The following ATPSCKMT variants were observed in gnomAD, a reference collection of about 807,000 sequenced individuals.
ATPSCKMT encodes the protein ATP synthase subunit C lysine N-methyltransferase.
Under a neutral mutation model 24.3 loss-of-function variants are expected in ATPSCKMT, and 24 were observed. That is an observed-to-expected ratio of 0.99 (90% CI 0.71 to 1.39). The LOEUF is 1.39. Ranked by LOEUF, ATPSCKMT falls within the 40% of genes most tolerant of loss-of-function variation. The probability of loss-of-function intolerance (pLI) is 0.00; values close to 1 mark genes in which losing one functional copy is unlikely to be tolerated. For missense variants in ATPSCKMT, 311 were observed against 298.4 expected (o/e 1.04, Z -0.31); for synonymous variants, 95 against 110.5 (o/e 0.86, Z 0.88).
intron 4 of ATPSCKMT, among the ~76,000 whole-genome samples, chr5:10,232,657 GAA>G (rs1169959141): frequency 6.6e-6 from 1 of 152,236 alleles, no homozygotes; most frequent in Non-Finnish European, 1.5e-5. Context: ...CAGAAGGAAG[GAA>G]ACACCCCAGG....
chr5:10,243,078 T>C (rs147403682), intron 1 of ATPSCKMT, among the ~76,000 whole-genome samples: 1 of 152,340 alleles, frequency 6.6e-6, no homozygotes, highest in African/African-American at 2.4e-5. Context: ...TGGCTTCAAC[T>C]TAAAGTCACC....
In ATPSCKMT at chr5:10,225,665, G is replaced by GA. The variant is rs1371279856; in HGVS notation, c.*1775dup. ...ACTCACTATCATGAGAACAGCACAG[G>GA]AAAGACCTGCCCCCATAATTCAATC... On this transcript the variant is annotated 3_prime_UTR_variant, in exon 5 of 5. Coordinates refer to ENST00000511437, the MANE Select transcript of ATPSCKMT (RefSeq NM_199133.4). 1.3e-5 allele frequency among the ~76,000 whole-genome samples: 2 copies of GA among 152,030 alleles called. No individual in the cohort carries two copies. The highest frequency in any genetic ancestry group is 4.8e-5 in the African/African-American group (2 of 41,382).
intron 2 of ATPSCKMT, chr5:10,236,990 T>C (rs989301203): frequency 7.6e-7 from 1 of 1,310,054 alleles, no homozygotes; most frequent in Admixed American, 2.3e-5. Context: ...GAAATGAAAG[T>C]GTCTGGGAGG....
chr5:10,231,867 T>C (rs1404796680), intron 4 of ATPSCKMT, among the ~76,000 whole-genome samples: 1 of 152,216 alleles, frequency 6.6e-6, no homozygotes, highest in African/African-American at 2.4e-5. Context: ...CAGCTACGAG[T>C]TATTTTTCTT....
Position 10,236,408 on chromosome 5 carries a change from C to T in ATPSCKMT, c.444+70G>A, listed in dbSNP as rs1744370584. 3.9e-6 allele frequency: 6 copies of T among 1,522,686 alleles called. No individual in the cohort carries two copies. In the Admixed American group the frequency reaches 6.0e-5, roughly 15 times the overall value. The allele number at this position is 1,522,686 out of a possible 1,614,324, so 94.3% of individuals were successfully genotyped here. ...TTCTTTTAATACATTTTTCAGTTCT[C>T]AGTCATACTAATTTTGAATAATAAA... On this transcript the variant is annotated intron_variant, in intron 3 of 4. Transcript: ENST00000511437.
At chr5:10,240,763 C>T (rs988722962) in intron 1 of ATPSCKMT, among the ~76,000 whole-genome samples, 14 of 152,126 alleles carry the variant, frequency 9.2e-5, no homozygotes, top group South Asian at 2.1e-4. Context: ...TGGGAGGCCA[C>T]GGCGGGCAGA....
intron 4 of ATPSCKMT, among the ~76,000 whole-genome samples, chr5:10,232,236 T>C (rs1430197321): frequency 6.6e-6 from 1 of 152,214 alleles, no homozygotes; most frequent in Non-Finnish European, 1.5e-5. Context: ...ATAACAGAAT[T>C]TGTAACTAAA....
chr5:10,243,211 C>A (rs552235862), intron 1 of ATPSCKMT, among the ~76,000 whole-genome samples: 17 of 152,350 alleles, frequency 1.1e-4, no homozygotes, highest in Admixed American at 8.5e-4. Flanking sequence ...GCTGGCCAGG[C>A]ACAGTGGCTC....
intron 4 of ATPSCKMT, among the ~76,000 whole-genome samples, chr5:10,232,998 T>C (rs1744220036): frequency 1.3e-5 from 2 of 152,244 alleles, no homozygotes; most frequent in Non-Finnish European, 2.9e-5. Context: ...TTTAGATAGA[T>C]ACATACTTGT....
At chr5:10,243,056 G>C (rs1468932388) in intron 1 of ATPSCKMT, among the ~76,000 whole-genome samples, 1 of 152,184 alleles carries the variant, frequency 6.6e-6, no homozygotes, top group Non-Finnish European at 1.5e-5. Context: ...TTTCAGAATG[G>C]CCAGTAAGCA....
chr5:10,229,309 ATTCTTCAGTTATC>A (rs1561024947), intron 4 of ATPSCKMT, among the ~76,000 whole-genome samples: 4 of 152,208 alleles, frequency 2.6e-5, no homozygotes, highest in African/African-American at 7.2e-5. Flanking sequence ...TGACAATAAC[ATTCTTCAGTTATC>A]GGACCGAGTG....
At chr5:10,230,598 G>A (rs191789316) in intron 4 of ATPSCKMT, among the ~76,000 whole-genome samples, 2 of 152,262 alleles carry the variant, frequency 1.3e-5, no homozygotes, top group East Asian at 1.9e-4. Flanking sequence ...TCATGTCTGC[G>A]TAAAGGAATT....
chr5:10,227,785 C>T, intron 4 of ATPSCKMT, 138 bp from the exon 5 acceptor site: 1 of 699,292 alleles, frequency 1.4e-6, no homozygotes. Flanking sequence ...GGGACACAAA[C>T]ACATAAACAA....
intron 4 of ATPSCKMT, among the ~76,000 whole-genome samples, chr5:10,232,187 G>A (rs1744170957): frequency 6.6e-6 from 1 of 151,948 alleles, no homozygotes; most frequent in Middle Eastern, 3.2e-3. Flanking sequence ...CTGGGCAACA[G>A]AGTGAGACTC....
chr5:10,233,628 C>G (rs997854328), intron 4 of ATPSCKMT, among the ~76,000 whole-genome samples: 2 of 150,308 alleles, frequency 1.3e-5, no homozygotes, highest in Admixed American at 1.3e-4. Flanking sequence ...AAGAAGCACC[C>G]GGAGTCGGCT....
Position 10,249,842 on chromosome 5 carries a change from G to A in ATPSCKMT, c.16+16C>T, listed in dbSNP as rs1185803166. The stretch of plus-strand genomic sequence containing the variant: ...TCTCATGCCCCCAGGAACCCGCCAA[G>A]CCGCTCCAGCCTCACCTCCTCCTCC... On this transcript the variant is annotated intron_variant, in intron 1 of 4. Transcript: ENST00000511437. 7.6e-7 allele frequency: 1 copy of A among 1,317,914 alleles called. No homozygotes were observed. The highest frequency in any genetic ancestry group is 9.9e-7 in the Non-Finnish European group (1 of 1,011,962). 81.6% of individuals were successfully genotyped at this position (1,317,914 alleles called of 1,614,324 possible). A position where few individuals can be genotyped will look rare whatever the true frequency, so the allele number is the denominator to read the frequency against.
chr5:10,236,900 G>A, intron 2 of ATPSCKMT: 1 of 1,401,364 alleles, frequency 7.1e-7, no homozygotes, highest in South Asian at 1.2e-5. Context: ...TTCTAGGTCA[G>A]CCAACCCCCG....
chr5:10,232,763 C>T (rs1182207267), intron 4 of ATPSCKMT, among the ~76,000 whole-genome samples: 2 of 152,124 alleles, frequency 1.3e-5, no homozygotes, highest in East Asian at 3.9e-4. Context: ...CCAGGGGAGG[C>T]TGGAGGGGAG....
At chr5:10,227,936 T>G (rs1345919615) in intron 4 of ATPSCKMT, among the ~76,000 whole-genome samples, 1 of 152,220 alleles carries the variant, frequency 6.6e-6, no homozygotes, top group Non-Finnish European at 1.5e-5. Flanking sequence ...TGGCAGTAAT[T>G]TTAATAAGAA....
Sources: allele counts gnomAD v4.1 joint callset (sites outside exome capture counted in the v4.1 genomes callset), GRCh38; gene constraint gnomAD v4.1.1; transcripts MANE v1.5; gene names NCBI Gene and HGNC (gene_info 2026-07-23, HGNC 2026-07-21).